Variants in GLCCI1 observed in about 807,000 individuals in gnomAD.
The protein encoded by GLCCI1 is glucocorticoid induced 1, also known as glucocorticoid-induced transcript 1 protein.
A neutral mutation model predicts 52.2 loss-of-function variants in GLCCI1; 24 were observed. The observed-to-expected ratio is 0.46, with a 90% CI of 0.33 to 0.65. GLCCI1 has a LOEUF of 0.65. Ranked by LOEUF, GLCCI1 falls within the 30% of genes least tolerant of loss-of-function variation. GLCCI1 has a pLI of 0.02. For synonymous variants in GLCCI1, 310 were observed against 276.5 expected (o/e 1.12, Z -1.20); for missense variants, 704 against 701.5 (o/e 1.00, Z -0.04).
chr7:8,055,707 C>T (rs1011010422), intron 4 of GLCCI1, 158 bp downstream of exon 4: 31 of 531,788 alleles, frequency 5.8e-5, no homozygotes, highest in South Asian at 5.7e-4. Context: ...AGCAGCCGGG[C>T]GGCCGGCCTT....
chr7:7,976,585 G>A (rs1277552425), intron 1 of GLCCI1, among the ~76,000 whole-genome samples: 1 of 151,052 alleles, frequency 6.6e-6, no homozygotes, highest in Admixed American at 6.6e-5. Context: ...GGCAAGGTCA[G>A]TGTCCAAAAT....
chr7:8,080,544 G>C (rs115020382), intron 6 of GLCCI1, among the ~76,000 whole-genome samples: 2,365 of 151,444 alleles, frequency 0.016, 167 homozygotes, highest in African/African-American at 0.052. Flanking sequence ...CAGAGTTCAT[G>C]TCAGGCAGTT....
chr7:7,993,220 GT>G (rs1397305395), intron 1 of GLCCI1, among the ~76,000 whole-genome samples: 1 of 151,962 alleles, frequency 6.6e-6, no homozygotes, highest in African/African-American at 2.4e-5. Context: ...AGGGTGGATA[GT>G]TCATGATACC....
At chr7:8,028,659 A>G (rs1034451082) in intron 3 of GLCCI1, among the ~76,000 whole-genome samples, 1 of 152,120 alleles carries the variant, frequency 6.6e-6, no homozygotes, top group Non-Finnish European at 1.5e-5. Flanking sequence ...ACTACAAAAG[A>G]TGACTGAAAT....
intron 6 of GLCCI1, among the ~76,000 whole-genome samples, chr7:8,080,083 T>C (rs1311266808): frequency 6.6e-6 from 1 of 151,584 alleles, no homozygotes; most frequent in Non-Finnish European, 1.5e-5. Flanking sequence ...AAATACAGGC[T>C]TTTTAATACA....
chr7:8,056,537 A>G (rs1782402446), intron 4 of GLCCI1, among the ~76,000 whole-genome samples: 2 of 152,346 alleles, frequency 1.3e-5, no homozygotes, highest in South Asian at 4.1e-4. Context: ...AGTAAATACT[A>G]ACATATCCCA....
At chr7:7,971,613 A>G (rs1279738167) in intron 1 of GLCCI1, among the ~76,000 whole-genome samples, 1 of 152,186 alleles carries the variant, frequency 6.6e-6, no homozygotes, top group Non-Finnish European at 1.5e-5. Flanking sequence ...CCTTTTGTAT[A>G]TAAACACTAA....
intron 3 of GLCCI1, among the ~76,000 whole-genome samples, chr7:8,037,000 A>G (rs1358403705): frequency 3.3e-5 from 5 of 152,218 alleles, no homozygotes; most frequent in Non-Finnish European, 5.9e-5. Context: ...TTGAGGAATA[A>G]TTCTCTCATC....
At chr7:8,075,718 T>C (rs576006817) in intron 6 of GLCCI1, among the ~76,000 whole-genome samples, 9 of 152,212 alleles carry the variant, frequency 5.9e-5, no homozygotes, top group Admixed American at 2.0e-4. Context: ...TGTGGAAACA[T>C]TGATTATTGT....
At position 8,088,758 on chromosome 7, in the gene GLCCI1, CTAAA is replaced by C. The variant is rs1464874822; in HGVS notation, c.*2223_*2226del. 1 of 152,568 alleles carries C rather than the reference CTAAA, an allele frequency of 6.6e-6. No homozygotes were observed. The highest frequency in any genetic ancestry group is 1.5e-5 in the Non-Finnish European group (1 of 68,024). 9.5% of individuals were successfully genotyped at this position (152,568 alleles called of 1,614,324 possible). A position where few individuals can be genotyped will look rare whatever the true frequency, so the allele number is the denominator to read the frequency against. ...TGTGCTTTTATTTTCTCATGAGATA[CTAAA>C]TATTAATTGTGTTGTACATTTGTTC... is the stretch of plus-strand genomic sequence containing the variant. On this transcript the variant is annotated 3_prime_UTR_variant, in exon 8 of 8. Coordinates refer to ENST00000223145, the MANE Select transcript of GLCCI1 (RefSeq NM_138426.4).
chr7:8,070,746 C>T (rs1411147527), intron 5 of GLCCI1, 175 bp from the exon 6 acceptor site: 2 of 590,154 alleles, frequency 3.4e-6, no homozygotes, highest in Non-Finnish European at 3.0e-6. Context: ...ATGTTTAGTT[C>T]AATAAAGGTA....
chr7:8,044,868 G>A (rs766061218), intron 3 of GLCCI1, among the ~76,000 whole-genome samples: 29 of 152,060 alleles, frequency 1.9e-4, no homozygotes, highest in Non-Finnish European at 3.5e-4. Context: ...AATCTCAACA[G>A]ACCATAGAAA....
chr7:8,080,900 C>T (rs1782980544), intron 6 of GLCCI1, among the ~76,000 whole-genome samples: 1 of 150,132 alleles, frequency 6.7e-6, no homozygotes, highest in Admixed American at 6.6e-5. Flanking sequence ...TCTCGAACTC[C>T]TGGCCTCAAG....
At chr7:8,063,099 C>T (rs906566337) in intron 5 of GLCCI1, among the ~76,000 whole-genome samples, 2 of 152,050 alleles carry the variant, frequency 1.3e-5, no homozygotes, top group Non-Finnish European at 2.9e-5. Context: ...ATAAGCATTC[C>T]CTTTTCTCCA....
chr7:8,011,772 G>A (rs1309678571), intron 2 of GLCCI1, among the ~76,000 whole-genome samples: 1 of 151,830 alleles, frequency 6.6e-6, no homozygotes, highest in East Asian at 1.9e-4. Flanking sequence ...GCAACGCACA[G>A]GGGTCCAGTT....
chr7:8,012,095 A>G lies in GLCCI1; in HGVS notation c.609+8036A>G, dbSNP rs577798958. On this transcript the variant is annotated intron_variant, in intron 2 of 7. Coordinates refer to ENST00000223145, the MANE Select transcript of GLCCI1 (RefSeq NM_138426.4). ...CTTCCAAAGTGCTAGGATTACAGGC[A>G]TGAGTCACCGTGCCCAGCCAGGGGT... 3.5e-3 allele frequency among the ~76,000 whole-genome samples: 530 copies of G among 151,302 alleles called. 4 individuals are homozygous for G. The highest frequency in any genetic ancestry group is 0.014 in the Middle Eastern group (4 of 286).
chr7:8,071,172 C>T (rs1321924787), intron 6 of GLCCI1, 41 bp downstream of exon 6: 1 of 1,499,592 alleles, frequency 6.7e-7, no homozygotes, highest in Non-Finnish European at 9.3e-7. Context: ...TGTTATGGGC[C>T]TTGCTCATTA....
At chr7:8,053,715 G>C (rs1278880279) in intron 3 of GLCCI1, among the ~76,000 whole-genome samples, 1 of 151,990 alleles carries the variant, frequency 6.6e-6, no homozygotes, top group Non-Finnish European at 1.5e-5. Context: ...CATACTTCTT[G>C]ACTAGAATTT....
intron 3 of GLCCI1, among the ~76,000 whole-genome samples, chr7:8,025,200 C>G (rs572184846): frequency 2.0e-5 from 3 of 152,116 alleles, no homozygotes; most frequent in Non-Finnish European, 4.4e-5. Flanking sequence ...CCGATGTGTT[C>G]TTGGCCAGGA....
Sources: gnomAD v4.1 joint callset for allele counts (sites outside exome capture counted in the v4.1 genomes callset) on GRCh38, gnomAD v4.1.1 for gene constraint, MANE v1.5 for transcripts, NCBI Gene and HGNC (gene_info 2026-07-23, HGNC 2026-07-21) for gene names.